NUDT4: variants seen among roughly 807,000 people sequenced by gnomAD.
NUDT4 encodes the protein nudix hydrolase 4.
A neutral mutation model predicts 23.1 loss-of-function variants in NUDT4; 5 were observed. That is an observed-to-expected ratio of 0.22 (90% CI 0.11 to 0.46). The LOEUF (loss-of-function observed/expected upper bound fraction) is 0.46. Ranked by LOEUF, NUDT4 falls within the 20% of genes least tolerant of loss-of-function variation. The pLI, the probability that NUDT4 is intolerant of heterozygous loss-of-function variation, is 0.99. For missense variants in NUDT4, 96 were observed against 211.6 expected (o/e 0.45, Z 3.39); for synonymous variants, 50 against 79.0 (o/e 0.63, Z 1.95).
At position 93,402,985 on chromosome 12, in the gene NUDT4, A is replaced by T. The variant is rs1437650369; in HGVS notation, c.*3606A>T. On this transcript the variant is annotated 3_prime_UTR_variant, in exon 5 of 5. Transcript: ENST00000415493. ...GGCATGAGAAACTTGGCCCTTTCCAATGTTGTCTTCACATTGGAGTATAAG... is the reference window on the plus strand; with the variant it reads ...GGCATGAGAAACTTGGCCCTTTCCATTGTTGTCTTCACATTGGAGTATAAG... 1 of 151,740 alleles carries T rather than the reference A, an allele frequency of 6.6e-6. No individual in the cohort carries two copies. Among genetic ancestry groups the T allele is most frequent in the African/African-American group, 2.4e-5 (1 of 41,312 alleles). 9.4% of individuals were successfully genotyped at this position (151,740 alleles called of 1,614,324 possible). A position where few individuals can be genotyped will look rare whatever the true frequency, so the allele number is the denominator to read the frequency against.
At chr12:93,384,638 A>T (rs946276214) in intron 1 of NUDT4, among the ~76,000 whole-genome samples, 3 of 152,172 alleles carry the variant, frequency 2.0e-5, no homozygotes, top group African/African-American at 7.2e-5. Flanking sequence ...TGCATTCAAA[A>T]CCATCTTGGA....
chr12:93,380,541 GAGAATTGA>G (rs1369326347), intron 1 of NUDT4, among the ~76,000 whole-genome samples: 2 of 152,202 alleles, frequency 1.3e-5, no homozygotes, highest in Non-Finnish European at 2.9e-5. Context: ...CCTGTAGGTT[GAGAATTGA>G]AGAGAGTGAG....
At position 93,378,316 on chromosome 12, in the gene NUDT4, C is replaced by T. The variant is rs780581149; in HGVS notation, c.-7C>T. 32 of 1,305,982 alleles carry T rather than the reference C, an allele frequency of 2.5e-5. No individual in the cohort carries two copies. In the African/African-American group the frequency reaches 4.0e-4, roughly 16 times the overall value. The allele number at this position is 1,305,982 out of a possible 1,614,324, so 80.9% of individuals were successfully genotyped here. A position where few individuals can be genotyped will look rare whatever the true frequency, so the allele number is the denominator to read the frequency against. ...AGCAGCAGCAGCAGCAGCAGGAGCC[C>T]GCCTCTATGATGAAGTTCAAGCCCA... is the stretch of plus-strand genomic sequence containing the variant. On this transcript the variant is annotated 5_prime_UTR_variant, in exon 1 of 5. Coordinates refer to ENST00000415493, the MANE Select transcript of NUDT4 (RefSeq NM_019094.6).
chr12:93,400,615 A>C lies in NUDT4; in HGVS notation c.*1236A>C, dbSNP rs1257922655. On this transcript the variant is annotated 3_prime_UTR_variant, in exon 5 of 5. Transcript: ENST00000415493. ...TAAAATGAGGGATGGGGGAAAGTAA[A>C]AGATGTTTTTTTTTTTTTGAGACTC... The C allele has an allele frequency of 6.6e-6, 1 of 151,132 alleles. No individual in the cohort carries two copies. The highest frequency in any genetic ancestry group is 1.5e-5 in the Non-Finnish European group (1 of 67,680). The allele number at this position is 151,132 out of a possible 1,614,324, so 9.4% of individuals were successfully genotyped here.
intron 4 of NUDT4, 89 bp downstream of exon 4, chr12:93,398,944 G>T: frequency 1.0e-6 from 1 of 983,512 alleles, no homozygotes; most frequent in South Asian, 1.5e-5. Flanking sequence ...TTTGTTATCT[G>T]AATACTCTTT....
chr12:93,390,966 T>A (rs1316327383), intron 1 of NUDT4, among the ~76,000 whole-genome samples: 1 of 152,064 alleles, frequency 6.6e-6, no homozygotes, highest in African/African-American at 2.4e-5. Flanking sequence ...TTTTGGGGGC[T>A]TGAGAGAAGG....
At chr12:93,390,540 G>A (rs1260625669) in intron 1 of NUDT4, among the ~76,000 whole-genome samples, 1 of 151,744 alleles carries the variant, frequency 6.6e-6, no homozygotes, top group Non-Finnish European at 1.5e-5. Flanking sequence ...TGCACTTTTG[G>A]ATTTTTAATT....
In NUDT4 at chr12:93,391,776, T is replaced by C. The variant is rs186573738; in HGVS notation, c.100-2833T>C. 1.6e-3 allele frequency among the ~76,000 whole-genome samples: 250 copies of C among 152,332 alleles called. 2 individuals carry two copies. Among genetic ancestry groups the C allele is most frequent in the Admixed American group, 0.015 (235 of 15,302 alleles). On this transcript the variant is annotated intron_variant, in intron 1 of 4. Transcript: ENST00000415493. Reference sequence around the variant, plus strand: ...TCTCTATGCACACTGGGAATTAAACTTCGTGATAAACCCTATGTGTTTTCG... The same window carrying C: ...TCTCTATGCACACTGGGAATTAAACCTCGTGATAAACCCTATGTGTTTTCG...
chr12:93,398,807 C>A lies in NUDT4; in HGVS notation c.292C>A (p.Leu98Ile). Reference sequence around the variant, plus strand: ...AAAGCACAGAACATATGTTTATGTTCTAACAGTCACTGAAATATTAGAAGA... The same window carrying A: ...AAAGCACAGAACATATGTTTATGTTATAACAGTCACTGAAATATTAGAAGA... ...DRKHRTYVYV[L>I]TVTEILEDWE... The change falls in exon 4 of 5, where the codon CTA (leucine) becomes ATA (isoleucine). Residue 98 changes from leucine to isoleucine, a missense_variant. Physicochemically the swap from Leu to Ile is conservative, Grantham distance 5. Transcript: ENST00000415493. 1 of 1,606,410 alleles carries A rather than the reference C, an allele frequency of 6.2e-7. No individual in the cohort carries two copies. The highest frequency in any genetic ancestry group is 8.5e-7 in the Non-Finnish European group (1 of 1,174,226).
At chr12:93,391,776 T>A (rs186573738) in intron 1 of NUDT4, among the ~76,000 whole-genome samples, 1 of 152,214 alleles carries the variant, frequency 6.6e-6, no homozygotes, top group African/African-American at 2.4e-5. Flanking sequence ...GGAATTAAAC[T>A]TCGTGATAAA....
At chr12:93,385,776 T>C (rs1443097631) in intron 1 of NUDT4, among the ~76,000 whole-genome samples, 1 of 151,510 alleles carries the variant, frequency 6.6e-6, no homozygotes, top group Non-Finnish European at 1.5e-5. Context: ...TTATTTGAAA[T>C]CAATATTATT....
intron 1 of NUDT4, among the ~76,000 whole-genome samples, chr12:93,380,462 G>A (rs1875578884): frequency 6.6e-6 from 1 of 152,190 alleles, no homozygotes; most frequent in African/African-American, 2.4e-5. Flanking sequence ...TAGGTAAGGT[G>A]AAGTAGGGAG....
chr12:93,390,104 T>C (rs1876380158), intron 1 of NUDT4, among the ~76,000 whole-genome samples: 1 of 152,188 alleles, frequency 6.6e-6, no homozygotes, highest in Admixed American at 6.5e-5. Flanking sequence ...GATTTTGAAC[T>C]CCCTATTTAC....
chr12:93,381,661 A>G (rs1875668818), intron 1 of NUDT4, among the ~76,000 whole-genome samples: 2 of 152,192 alleles, frequency 1.3e-5, no homozygotes, highest in African/African-American at 4.8e-5. Flanking sequence ...AGGCGTCCCA[A>G]ATAGAGCAAG....
chr12:93,396,640 G>A (rs145376029), intron 3 of NUDT4, among the ~76,000 whole-genome samples: 2 of 152,128 alleles, frequency 1.3e-5, no homozygotes, highest in African/African-American at 2.4e-5. Flanking sequence ...TTGGCCGGGC[G>A]TGGTGGCTCA....
Position 93,399,486 on chromosome 12 carries a change from C to T in NUDT4, c.*107C>T. On this transcript the variant is annotated 3_prime_UTR_variant, in exon 5 of 5. Coordinates refer to ENST00000415493, the MANE Select transcript of NUDT4 (RefSeq NM_019094.6). ...ACGCTTGCAAACTGTCTGAATTTGCCATGCAAGGTTTTCAAACAATTTGCA... is the reference window on the plus strand; with the variant it reads ...ACGCTTGCAAACTGTCTGAATTTGCTATGCAAGGTTTTCAAACAATTTGCA... The T allele has an allele frequency of 2.2e-6, 1 of 453,360 alleles. No individual in the cohort carries two copies. The allele number at this position is 453,360 out of a possible 1,614,324, so 28.1% of individuals were successfully genotyped here. A position where few individuals can be genotyped will look rare whatever the true frequency, so the allele number is the denominator to read the frequency against.
Position 93,407,519 on chromosome 12 carries a change from T to C in NUDT4, c.*8140T>C, listed in dbSNP as rs1877884497. ...GTGCTCGGAGGGGACTCTAGCCAAC[T>C]GGAGAGTAACTGGTGAGAAGACAAT... On this transcript the variant is annotated 3_prime_UTR_variant, in exon 5 of 5. Transcript: ENST00000415493. The C allele has an allele frequency of 6.6e-6, 1 of 152,256 alleles. No homozygotes were observed. Among genetic ancestry groups the C allele is most frequent in the Non-Finnish European group, 1.5e-5 (1 of 68,088 alleles). The allele number at this position is 152,256 out of a possible 1,614,324, so 9.4% of individuals were successfully genotyped here. A position where few individuals can be genotyped will look rare whatever the true frequency, so the allele number is the denominator to read the frequency against.
Position 93,402,476 on chromosome 12 carries a change from A to G in NUDT4, c.*3097A>G, listed in dbSNP as rs1178710527. Reference sequence around the variant, plus strand: ...CTTGTGTTCAAATATTCCCCCTCCAAGTGAAAGCCTGTCGGGAATTCCACA... The same window carrying G: ...CTTGTGTTCAAATATTCCCCCTCCAGGTGAAAGCCTGTCGGGAATTCCACA... On this transcript the variant is annotated 3_prime_UTR_variant, in exon 5 of 5. Coordinates refer to ENST00000415493, the MANE Select transcript of NUDT4 (RefSeq NM_019094.6). 1.3e-5 allele frequency: 2 copies of G among 152,154 alleles called. No individual in the cohort carries two copies. The highest frequency in any genetic ancestry group is 2.9e-5 in the Non-Finnish European group (2 of 68,044). The allele number at this position is 152,154 out of a possible 1,614,324, so 9.4% of individuals were successfully genotyped here.
intron 2 of NUDT4, among the ~76,000 whole-genome samples, chr12:93,395,235 C>T (rs934734128): frequency 2.0e-5 from 3 of 152,148 alleles, no homozygotes; most frequent in Non-Finnish European, 4.4e-5. Context: ...ATCCTTCTGC[C>T]TCGGCCTCCC....
Sources: gnomAD v4.1 joint callset for allele counts (sites outside exome capture counted in the v4.1 genomes callset) on GRCh38, gnomAD v4.1.1 for gene constraint, MANE v1.5 for transcripts, NCBI Gene and HGNC (gene_info 2026-07-23, HGNC 2026-07-21) for gene names.